DACH2: variants seen among roughly 807,000 people sequenced by gnomAD.
DACH2 encodes the protein dachshund family transcription factor 2.
A neutral mutation model predicts 35.8 loss-of-function variants in DACH2; 17 were observed. That is an observed-to-expected ratio of 0.48 (90% confidence interval 0.33 to 0.71). DACH2 has a LOEUF of 0.71. Among genes scored for constraint, DACH2 ranks in the 30% least tolerant of loss-of-function variants. DACH2 has a pLI of 0.02. For missense variants in DACH2, 469 were observed against 472.7 expected, an observed-to-expected ratio of 0.99 and a Z score of 0.07; for synonymous variants, 195 against 177.3, an observed-to-expected ratio of 1.10 and a Z score of -0.79.
Position 86,667,982 on chromosome X carries a change from A to C in DACH2, c.772+16815A>C, listed in dbSNP as rs957014236. ...AACGTTAATGAGAACTGCACATTTC[A>C]CTGAAGGAAAATATATACCTCTTAG... On this transcript the variant is annotated intron_variant, in intron 4 of 11. Coordinates refer to ENST00000373125, the MANE Select transcript of DACH2 (RefSeq NM_053281.3). Among the ~76,000 whole-genome samples the C allele has an allele frequency of 4.5e-5, 5 of 112,208 alleles. No homozygotes were observed. The Admixed American group carries it at 4.7e-4, about 11-fold the overall frequency.
intron 2 of DACH2, among the ~76,000 whole-genome samples, chrX:86,513,989 C>T (rs1220276410): frequency 9.0e-6 from 1 of 111,546 alleles, no homozygotes; most frequent in African/African-American, 3.3e-5. Context: ...GCAGGGGTAA[C>T]TTAGGGTTTC....
intron 7 of DACH2, among the ~76,000 whole-genome samples, chrX:86,788,465 G>A (rs1447580918): frequency 9.0e-6 from 1 of 111,386 alleles, no homozygotes; most frequent in African/African-American, 3.3e-5. Flanking sequence ...TCTAATTTGA[G>A]ACCCCATGTA....
intron 1 of DACH2, among the ~76,000 whole-genome samples, chrX:86,206,198 G>A (rs1352140660): frequency 9.1e-6 from 1 of 110,416 alleles, no homozygotes; most frequent in East Asian, 2.9e-4. Context: ...TGTTCATTCA[G>A]TATTACATAT....
At position 86,212,915 on chromosome X, in the gene DACH2, C is replaced by T. The variant is rs186187928; in HGVS notation, c.488+63807C>T. Among the ~76,000 whole-genome samples, 573 of 111,135 alleles carry T rather than the reference C, an allele frequency of 5.2e-3. 3 individuals are homozygous for T. The highest frequency in any genetic ancestry group is 0.018 in the African/African-American group (539 of 30,697). On this transcript the variant is annotated intron_variant, in intron 1 of 11. Coordinates refer to ENST00000373125, the MANE Select transcript of DACH2 (RefSeq NM_053281.3). Reference sequence around the variant, plus strand: ...GAGGCACAAAAGTCAGTGCCTTCCTCGAAGCATGTGACTTACTTCCGCCAT... The same window carrying T: ...GAGGCACAAAAGTCAGTGCCTTCCTTGAAGCATGTGACTTACTTCCGCCAT...
intron 7 of DACH2, among the ~76,000 whole-genome samples, chrX:86,744,196 G>T (rs753327172): frequency 1.5e-4 from 17 of 111,240 alleles, no homozygotes; most frequent in African/African-American, 5.5e-4. Flanking sequence ...TGGAATGGTA[G>T]AATATTACTT....
intron 2 of DACH2, among the ~76,000 whole-genome samples, chrX:86,500,271 A>G (rs1304560327): frequency 8.9e-6 from 1 of 111,800 alleles, no homozygotes; most frequent in Non-Finnish European, 1.9e-5. Context: ...CATTTTGTTC[A>G]TAGGAGGATG....
intron 11 of DACH2, among the ~76,000 whole-genome samples, chrX:86,826,171 T>A (rs1449951691): frequency 9.0e-6 from 1 of 111,350 alleles, no homozygotes; most frequent in East Asian, 2.8e-4. Context: ...CTACATTTTA[T>A]CCCCATGTGT....
intron 2 of DACH2, among the ~76,000 whole-genome samples, chrX:86,381,024 C>T (rs2036038836): frequency 9.1e-6 from 1 of 109,680 alleles, no homozygotes; most frequent in African/African-American, 3.3e-5. Flanking sequence ...TAGGTTGTTT[C>T]CAATTTTTTG....
intron 1 of DACH2, chrX:86,160,154 C>G: frequency 1.2e-6 from 1 of 802,663 alleles, no homozygotes; most frequent in Non-Finnish European, 1.7e-6. Context: ...ACTTAAATGG[C>G]CCATTGAAAC....
intron 4 of DACH2, among the ~76,000 whole-genome samples, chrX:86,675,870 G>A (rs1481182582): frequency 9.0e-6 from 1 of 111,194 alleles, no homozygotes; most frequent in Non-Finnish European, 1.9e-5. Flanking sequence ...TAAACCAAGA[G>A]CCTCAGTCCT....
intron 2 of DACH2, among the ~76,000 whole-genome samples, chrX:86,477,489 T>C (rs2037865977): frequency 9.2e-6 from 1 of 108,274 alleles, no homozygotes; most frequent in African/African-American, 3.3e-5. Flanking sequence ...TGACACCTGC[T>C]CTTTTTTGTT....
At chrX:86,785,859 A>G (rs1343234450) in intron 7 of DACH2, among the ~76,000 whole-genome samples, 1 of 111,186 alleles carries the variant, frequency 9.0e-6, no homozygotes, top group Non-Finnish European at 1.9e-5. Flanking sequence ...CTAAATTACA[A>G]TTCAAAGAAT....
intron 1 of DACH2, among the ~76,000 whole-genome samples, chrX:86,182,318 G>A (rs1398207750): frequency 9.0e-6 from 1 of 111,688 alleles, no homozygotes; most frequent in Non-Finnish European, 1.9e-5. Context: ...TATGGTTTTA[G>A]GTTTTACATT....
chrX:86,695,255 G>T (rs2041054325), intron 5 of DACH2, 76 bp downstream of exon 5: 4 of 817,971 alleles, frequency 4.9e-6, no homozygotes, highest in African/African-American at 2.2e-5. Context: ...CCTTTGGCTG[G>T]CAGGGCTTAG....
intron 3 of DACH2, among the ~76,000 whole-genome samples, chrX:86,542,895 A>G (rs2038905525): frequency 9.0e-6 from 1 of 111,655 alleles, no homozygotes; most frequent in African/African-American, 3.3e-5. Context: ...CCAGAAACAC[A>G]ATACTCCAAA....
chrX:86,154,607 A>G (rs1238059160), intron 1 of DACH2, among the ~76,000 whole-genome samples: 1 of 111,750 alleles, frequency 8.9e-6, no homozygotes, highest in East Asian at 2.8e-4. Context: ...GTTTTGATTT[A>G]TCTCTTTTAC....
intron 1 of DACH2, among the ~76,000 whole-genome samples, chrX:86,162,275 G>A (rs921302669): frequency 9.0e-6 from 1 of 111,042 alleles, no homozygotes; most frequent in Non-Finnish European, 1.9e-5. Flanking sequence ...TGTTTAGTTA[G>A]GAAGCCTCTT....
At chrX:86,498,548 C>G (rs767316466) in intron 2 of DACH2, among the ~76,000 whole-genome samples, 1 of 112,259 alleles carries the variant, frequency 8.9e-6, no homozygotes, top group Admixed American at 9.4e-5. Flanking sequence ...TCTGTACCTT[C>G]CAACGTGGAA....
chrX:86,381,010 T>G (rs2148108490), intron 2 of DACH2, among the ~76,000 whole-genome samples: 1 of 110,746 alleles, frequency 9.0e-6, no homozygotes, highest in African/African-American at 3.3e-5. Context: ...CATAGGTTGA[T>G]AATTAGGTTG....
Sources: allele counts gnomAD v4.1 joint callset (sites outside exome capture counted in the v4.1 genomes callset), GRCh38; gene constraint gnomAD v4.1.1; transcripts MANE v1.5; gene names NCBI Gene and HGNC (gene_info 2026-07-23, HGNC 2026-07-21).